The following CDH18 variants were observed in gnomAD, a reference collection of about 807,000 sequenced individuals.
CDH18 encodes the protein cadherin-18.
In CDH18, 31 loss-of-function variants were observed where a neutral mutation model predicts 67.9. The ratio of observed to expected loss-of-function variants is 0.46; its 90% CI spans 0.34 to 0.62. The LOEUF (loss-of-function observed/expected upper bound fraction) is 0.62. Among genes scored for constraint, CDH18 ranks in the 20% least tolerant of loss-of-function variants. The pLI is 0.01. For missense variants in CDH18, 890 were observed against 975.5 expected (o/e 0.91, Z 1.17); for synonymous variants, 362 against 347.2 (o/e 1.04, Z -0.48).
intron 1 of CDH18, among the ~76,000 whole-genome samples, chr5:20,431,213 G>A (rs1302366741): frequency 5.9e-5 from 9 of 152,024 alleles, no homozygotes; most frequent in African/African-American, 1.7e-4. Context: ...CTCAGATGCC[G>A]GGTGCAGTAA....
At chr5:20,431,766 T>C (rs1188467020) in intron 1 of CDH18, among the ~76,000 whole-genome samples, 1 of 152,188 alleles carries the variant, frequency 6.6e-6, no homozygotes, top group African/African-American at 2.4e-5. Flanking sequence ...TGATTCTGAG[T>C]GCTGCCCAAT....
intron 2 of CDH18, among the ~76,000 whole-genome samples, chr5:19,919,241 C>T (rs1287564262): frequency 1.3e-5 from 2 of 152,136 alleles, no homozygotes; most frequent in African/African-American, 2.4e-5. Context: ...CTTCATCTGG[C>T]TGTTCATTTG....
intron 2 of CDH18, among the ~76,000 whole-genome samples, chr5:20,217,451 A>C (rs1038685858): frequency 2.0e-5 from 3 of 151,922 alleles, no homozygotes; most frequent in Non-Finnish European, 4.4e-5. Flanking sequence ...AGTTGTCATC[A>C]GTTTAAAATA....
chr5:20,452,999 A>G (rs890364155), intron 1 of CDH18, among the ~76,000 whole-genome samples: 3 of 152,188 alleles, frequency 2.0e-5, no homozygotes, highest in Admixed American at 2.0e-4. Flanking sequence ...TATAATACAC[A>G]GGCTGATAAC....
chr5:20,299,568 G>A (rs2149962944), intron 1 of CDH18, among the ~76,000 whole-genome samples: 1 of 152,014 alleles, frequency 6.6e-6, no homozygotes, highest in East Asian at 1.9e-4. Context: ...AGACCGGCCT[G>A]GCCAATATGG....
At chr5:20,376,980 G>T (rs182795241) in intron 1 of CDH18, among the ~76,000 whole-genome samples, 1 of 150,324 alleles carries the variant, frequency 6.7e-6, no homozygotes, top group Non-Finnish European at 1.5e-5. Flanking sequence ...TCACGCTACT[G>T]CACCCCAACC....
At chr5:19,579,188 G>A (rs1742816172) in intron 7 of CDH18, among the ~76,000 whole-genome samples, 1 of 151,748 alleles carries the variant, frequency 6.6e-6, no homozygotes, top group Admixed American at 6.6e-5. Context: ...TCTGTTTATA[G>A]ACATATTTCT....
chr5:20,523,267 C>A (rs1755854994), intron 1 of CDH18, among the ~76,000 whole-genome samples: 1 of 152,122 alleles, frequency 6.6e-6, no homozygotes, highest in African/African-American at 2.4e-5. Flanking sequence ...CTATTCTTTG[C>A]AATCAGCTGA....
At chr5:20,216,021 G>A (rs1020139762) in intron 2 of CDH18, among the ~76,000 whole-genome samples, 9 of 151,872 alleles carry the variant, frequency 5.9e-5, no homozygotes, top group Non-Finnish European at 1.0e-4. Context: ...GATAACTAAT[G>A]GGTAATAGGC....
chr5:19,561,870 CAT>C (rs1435253842), intron 8 of CDH18, among the ~76,000 whole-genome samples: 4 of 152,116 alleles, frequency 2.6e-5, no homozygotes, highest in African/African-American at 9.7e-5. Context: ...TCTCAAGTAT[CAT>C]GTGTTTATGA....
At chr5:19,666,913 T>C (rs898600605) in intron 5 of CDH18, among the ~76,000 whole-genome samples, 6 of 152,170 alleles carry the variant, frequency 3.9e-5, no homozygotes, top group Non-Finnish European at 8.8e-5. Flanking sequence ...AAAAGATATA[T>C]AAAGAGGACA....
At chr5:20,132,934 T>TA (rs1441920449) in intron 2 of CDH18, among the ~76,000 whole-genome samples, 2 of 152,160 alleles carry the variant, frequency 1.3e-5, no homozygotes, top group Non-Finnish European at 2.9e-5. Flanking sequence ...AACTTTTTTT[T>TA]ATTACTAGGC....
At chr5:20,336,724 C>CAAAAAA (rs59083214) in intron 1 of CDH18, among the ~76,000 whole-genome samples, 847 of 63,476 alleles carry the variant, frequency 0.013, 89 homozygotes, top group Non-Finnish European at 0.015. Context: ...GCCTCTGTCT[C>CAAAAAA]AAAAAAAAAA....
At chr5:20,566,764 T>G (rs767695598) in intron 1 of CDH18, among the ~76,000 whole-genome samples, 3 of 152,066 alleles carry the variant, frequency 2.0e-5, no homozygotes, top group Non-Finnish European at 4.4e-5. Context: ...TCAAGTACAA[T>G]TAAAACAATG....
At chr5:20,494,078 C>A (rs909694927) in intron 1 of CDH18, among the ~76,000 whole-genome samples, 8 of 151,990 alleles carry the variant, frequency 5.3e-5, no homozygotes, top group Non-Finnish European at 8.8e-5. Flanking sequence ...GGTTAACCCC[C>A]ATCTATACTA....
At chr5:20,566,592 G>A (rs1440965925) in intron 1 of CDH18, among the ~76,000 whole-genome samples, 1 of 146,918 alleles carries the variant, frequency 6.8e-6, no homozygotes, top group Non-Finnish European at 1.5e-5. Context: ...GGCCGAGATG[G>A]TCTCAATTTC....
At chr5:19,785,702 ATATATATATATATATATATATATG>A (rs1775703261) in intron 3 of CDH18, among the ~76,000 whole-genome samples, 1 of 103,046 alleles carries the variant, frequency 9.7e-6, no homozygotes, top group Non-Finnish European at 1.9e-5. Flanking sequence ...ATATATATAT[ATATATATATATATATATATATATG>A]CATGCATCTG....
At chr5:19,556,833 C>T (rs996270362) in intron 8 of CDH18, among the ~76,000 whole-genome samples, 5 of 152,008 alleles carry the variant, frequency 3.3e-5, no homozygotes, top group Non-Finnish European at 5.9e-5. Context: ...ATCAGGTTAT[C>T]TAATGTCAAG....
intron 2 of CDH18, among the ~76,000 whole-genome samples, chr5:20,241,336 A>G (rs950617670): frequency 3.3e-5 from 5 of 152,274 alleles, no homozygotes; most frequent in Admixed American, 3.3e-4. Context: ...CTTCAAGCAT[A>G]TATTCTTCAT....
Sources: allele counts gnomAD v4.1 joint callset (sites outside exome capture counted in the v4.1 genomes callset), GRCh38; gene constraint gnomAD v4.1.1; transcripts MANE v1.5; gene names NCBI Gene and HGNC (gene_info 2026-07-23, HGNC 2026-07-21).